NFIC: variants seen among roughly 807,000 people sequenced by gnomAD.
NFIC encodes the protein nuclear factor 1 C-type.
In NFIC, 12 loss-of-function variants were observed where a neutral mutation model predicts 54.4. The observed-to-expected ratio is 0.22, with a 90% CI of 0.14 to 0.36. The LOEUF (loss-of-function observed/expected upper bound fraction) is 0.36, where lower values mean the gene tolerates loss of function less well. Among genes scored for constraint, NFIC ranks in the 10% least tolerant of loss-of-function variants. The probability of loss-of-function intolerance (pLI) is 1.00; values close to 1 mark genes in which losing one functional copy is unlikely to be tolerated. For missense variants in NFIC, 575 were observed against 718.2 expected (o/e 0.80, Z 2.28); for synonymous variants, 322 against 319.2 (o/e 1.01, Z -0.09).
At chr19:3,395,476 C>A (rs2081447089) in intron 2 of NFIC, among the ~76,000 whole-genome samples, 1 of 149,192 alleles carries the variant, frequency 6.7e-6, no homozygotes, top group Admixed American at 6.7e-5. Context: ...ATTACAGGCG[C>A]ATACCACCAT....
intron 2 of NFIC, among the ~76,000 whole-genome samples, chr19:3,405,196 G>A (rs1463264118): frequency 6.6e-6 from 1 of 152,242 alleles, no homozygotes; most frequent in East Asian, 1.9e-4. Context: ...CTTAAGGAAC[G>A]CAGGAAGGAC....
At chr19:3,412,528 A>G (rs539028216) in intron 2 of NFIC, among the ~76,000 whole-genome samples, 73 of 152,252 alleles carry the variant, frequency 4.8e-4, no homozygotes, top group African/African-American at 1.7e-3. Flanking sequence ...AAATGCAGGG[A>G]TTACAGGTGT....
upstream of NFIC, among the ~76,000 whole-genome samples, chr19:3,366,380 GAGAC>G (rs2080882800): frequency 2.0e-5 from 3 of 150,758 alleles, no homozygotes; most frequent in Non-Finnish European, 4.4e-5. Context: ...GGTAGAGAGA[GAGAC>G]AGAGAGACAG....
At chr19:3,454,555 G>T (rs1455273236) in intron 9 of NFIC, among the ~76,000 whole-genome samples, 1 of 151,820 alleles carries the variant, frequency 6.6e-6, no homozygotes, top group Non-Finnish European at 1.5e-5. Context: ...ATGGCCCCTC[G>T]GTCCTGGCAT....
chr19:3,366,908 C>T (rs906413940), intron 1 of NFIC, among the ~76,000 whole-genome samples: 2 of 151,968 alleles, frequency 1.3e-5, no homozygotes, highest in African/African-American at 4.8e-5. Flanking sequence ...CACCCCCAAC[C>T]CCGACTCTCG....
intron 2 of NFIC, among the ~76,000 whole-genome samples, chr19:3,388,966 CT>C (rs1265444094): frequency 6.6e-6 from 1 of 152,172 alleles, no homozygotes; most frequent in East Asian, 1.9e-4. Context: ...GCTCATGCCA[CT>C]GCACTCCAGC....
Position 3,453,919 on chromosome 19 carries a change from A to G in NFIC, c.1423+3A>G, listed in dbSNP as rs2082510302. 1 of 1,532,914 alleles carries G rather than the reference A, an allele frequency of 6.5e-7. No homozygotes were observed. Among genetic ancestry groups the G allele is most frequent in the South Asian group, 1.2e-5 (1 of 82,510 alleles). 95.0% of individuals were successfully genotyped at this position (1,532,914 alleles called of 1,614,324 possible). A position where few individuals can be genotyped will look rare whatever the true frequency, so the allele number is the denominator to read the frequency against. ...AGCCACGTCGCCGACCTCGCCTTGTAAGCACGCGGGAAGCGGTGCCCTGGT... is the reference window on the plus strand; with the variant it reads ...AGCCACGTCGCCGACCTCGCCTTGTGAGCACGCGGGAAGCGGTGCCCTGGT... On this transcript the variant is annotated splice_donor_region_variant and intron_variant, in intron 9 of 10. Coordinates refer to ENST00000443272, the MANE Select transcript of NFIC (RefSeq NM_001245002.2). The surrounding 1 kb of genome is among the most constrained non-coding windows in gnomAD (Gnocchi z 6.7).
At chr19:3,456,212 A>G in intron 9 of NFIC, among the ~76,000 whole-genome samples, 1 of 152,250 alleles carries the variant, frequency 6.6e-6, no homozygotes, top group Non-Finnish European at 1.5e-5. Flanking sequence ...CAGTGGCAGG[A>G]CCGGGCGGGC....
chr19:3,435,243 G>C, intron 6 of NFIC, 36 bp downstream of exon 6: 1 of 1,532,466 alleles, frequency 6.5e-7, no homozygotes, highest in Non-Finnish European at 8.8e-7. Context: ...CGGCCTTCCG[G>C]TCTGAGTCAC....
chr19:3,409,348 G>A (rs1672044981), intron 2 of NFIC, among the ~76,000 whole-genome samples: 1 of 152,152 alleles, frequency 6.6e-6, no homozygotes, highest in Non-Finnish European at 1.5e-5. Context: ...TCCTCAGAGA[G>A]GTTCTGCCTG....
chr19:3,406,587 T>C (rs2081652767), intron 2 of NFIC, among the ~76,000 whole-genome samples: 1 of 152,152 alleles, frequency 6.6e-6, no homozygotes. Flanking sequence ...TGGTACACAG[T>C]AGGCGCTCAA....
chr19:3,410,142 G>A (rs978737108), intron 2 of NFIC, among the ~76,000 whole-genome samples: 18 of 152,058 alleles, frequency 1.2e-4, no homozygotes, highest in Non-Finnish European at 2.1e-4. Flanking sequence ...CCGGGTTCAC[G>A]CCATTCTCCT....
At chr19:3,455,649 T>A (rs1330440764) in intron 9 of NFIC, among the ~76,000 whole-genome samples, 32 of 97,464 alleles carry the variant, frequency 3.3e-4, no homozygotes, top group Admixed American at 5.3e-4. Flanking sequence ...AGAGCCTGGT[T>A]TACAGTAGAC....
chr19:3,417,167 G>A (rs1412529565), intron 2 of NFIC, among the ~76,000 whole-genome samples: 2 of 151,226 alleles, frequency 1.3e-5, no homozygotes, highest in Admixed American at 6.6e-5. Flanking sequence ...TTACAGGCGT[G>A]TGCCACCACG....
At chr19:3,447,338 A>G (rs2082388470) in intron 6 of NFIC, among the ~76,000 whole-genome samples, 1 of 150,018 alleles carries the variant, frequency 6.7e-6, no homozygotes, top group Non-Finnish European at 1.5e-5. Context: ...CCAGAAGGCC[A>G]GGCATTTCGG....
At position 3,375,113 on chromosome 19, in the gene NFIC, G is replaced by A. The variant is rs1464892507; in HGVS notation, c.31-6599G>A. Among the ~76,000 whole-genome samples the A allele has an allele frequency of 6.6e-6, 1 of 150,734 alleles. No homozygotes were observed. Among genetic ancestry groups the A allele is most frequent in the African/African-American group, 2.5e-5 (1 of 40,524 alleles). ...AGGAATTAAGAGGAGAGGGGAAGTG[G>A]GGAGGGGGAATTCAGAGAGAGAGGG... On this transcript the variant is annotated intron_variant, in intron 1 of 10. Transcript: ENST00000443272. The surrounding 1 kb of genome is among the most constrained non-coding windows in gnomAD (Gnocchi z 4.6).
rs1339055723 is a variant in NFIC, at chr19:3,464,405, G to A, written c.*1636G>A. 6 of 955,258 alleles carry A rather than the reference G, an allele frequency of 6.3e-6. No individual in the cohort carries two copies. The highest frequency in any genetic ancestry group is 7.3e-6 in the Non-Finnish European group (6 of 819,370). The allele number at this position is 955,258 out of a possible 1,614,324, so 59.2% of individuals were successfully genotyped here. ...GGGACGCCAGGTGCCCCCCCACCCC[G>A]GCTCCCTGGCCCTATCCACACCTCC... is the stretch of plus-strand genomic sequence containing the variant. On this transcript the variant is annotated 3_prime_UTR_variant, in exon 11 of 11. Transcript: ENST00000443272.
intron 2 of NFIC, among the ~76,000 whole-genome samples, chr19:3,404,529 G>A (rs981416240): frequency 2.0e-5 from 3 of 152,080 alleles, no homozygotes; most frequent in South Asian, 4.1e-4. Flanking sequence ...GAGGGGCTGG[G>A]GGAGGCGGCC....
chr19:3,383,773 G>A (rs2081249901), intron 2 of NFIC, among the ~76,000 whole-genome samples: 1 of 152,188 alleles, frequency 6.6e-6, no homozygotes, highest in Non-Finnish European at 1.5e-5. Flanking sequence ...CCCCAGCCCA[G>A]GCAGCACTCT....
Sources: allele counts gnomAD v4.1 joint callset (sites outside exome capture counted in the v4.1 genomes callset), GRCh38; gene constraint gnomAD v4.1.1; non-coding constraint Gnocchi (gnomAD v3.1); transcripts MANE v1.5; gene names NCBI Gene and HGNC (gene_info 2026-07-23, HGNC 2026-07-21).